ZFP37: variants seen among roughly 807,000 people sequenced by gnomAD.
ZFP37 encodes the protein ZFP37 zinc finger protein.
In ZFP37, 38 loss-of-function variants were observed where a neutral mutation model predicts 52.1. The ratio of observed to expected loss-of-function variants is 0.73; its 90% CI spans 0.56 to 0.96. ZFP37 has a LOEUF of 0.96. Ranked by LOEUF, ZFP37 falls within the 40% of genes least tolerant of loss-of-function variation. ZFP37 has a pLI of 0.00. For synonymous variants in ZFP37, 253 were observed against 259.5 expected, an observed-to-expected ratio of 0.98 and a Z score of 0.24; for missense variants, 695 against 741.4, an observed-to-expected ratio of 0.94 and a Z score of 0.73.
chr9:113,049,922 G>A (rs2118709028), intron 1 of ZFP37, 50 bp from the exon 2 acceptor site: 2 of 1,612,174 alleles, frequency 1.2e-6, no homozygotes, highest in African/African-American at 1.3e-5. Flanking sequence ...TGATACCTGT[G>A]ATAGCATATT....
Position 113,040,860 on chromosome 9 carries a change from G to T in ZFP37, c.*1865C>A, listed in dbSNP as rs1408907204. 1 of 152,106 alleles carries T rather than the reference G, an allele frequency of 6.6e-6. No homozygotes were observed. Among genetic ancestry groups the T allele is most frequent in the African/African-American group, 2.4e-5 (1 of 41,416 alleles). The allele number at this position is 152,106 out of a possible 1,614,324, so 9.4% of individuals were successfully genotyped here. On this transcript the variant is annotated 3_prime_UTR_variant, in exon 4 of 4. Transcript: ENST00000374227. The stretch of plus-strand genomic sequence containing the variant: ...AAATTAATATTGTATTAAAATAAAG[G>T]TATGATGTTTTTGAAAACCATTTCT...
In ZFP37 at chr9:113,044,233, G is replaced by A; in HGVS notation, c.385C>T (p.Gln129Ter). The stretch of plus-strand genomic sequence containing the variant: ...CTGAGGAGTTTGTTTTGAGATTTCT[G>A]GATATTTTCAAGCTGGTCATCATCT... ...QKDDDQLENIQKSQNKLLREV... is the reference protein window; with the variant it reads ...QKDDDQLENI Residue 129 changes from glutamine (Q) to a stop codon, truncating the protein, a stop_gained, in exon 4 of 4, where the codon CAG becomes TAG. Coordinates refer to ENST00000374227, the MANE Select transcript of ZFP37 (RefSeq NM_003408.3). LOFTEE classifies it high-confidence loss of function. 1.3e-6 allele frequency: 2 copies of A among 1,572,104 alleles called. No individual in the cohort carries two copies. Among genetic ancestry groups the A allele is most frequent in the African/African-American group, 1.4e-5 (1 of 72,454 alleles).
rs1316937063 is a variant in ZFP37 at position 113,056,665 on chromosome 9, C to G, written c.24G>C (p.Gln8His). Reference protein sequence around the residue: MSVSSGVQILTKPETVDR... With the variant: MSVSSGVHILTKPETVDR... ...CCACGGTCTCTGGCTTTGTCAGAATCTGGACGCCGCTGGAGACCGACATGG... is the reference window on the plus strand; with the variant it reads ...CCACGGTCTCTGGCTTTGTCAGAATGTGGACGCCGCTGGAGACCGACATGG... Residue 8 changes from glutamine (Q) to histidine (H), a missense_variant, in exon 1 of 4, where the codon CAG (glutamine) becomes CAC (histidine). Gln to His is a conservative substitution (Grantham distance 24). Around this residue, in one of 2 missense-constraint regions of ZFP37, gnomAD observed 369 missense variants for 340.9 expected, o/e 1.08. Coordinates refer to ENST00000374227, the MANE Select transcript of ZFP37 (RefSeq NM_003408.3). The G allele has an allele frequency of 1.2e-6, 2 of 1,613,644 alleles. No individual in the cohort carries two copies. The highest frequency in any genetic ancestry group is 3.3e-5 in the Admixed American group (2 of 60,034).
chr9:113,042,857 C>T lies in ZFP37; in HGVS notation c.1761G>A (p.Gln587=), dbSNP rs767369826. Residue 587 remains glutamine, a synonymous_variant, in exon 4 of 4, where the codon CAG becomes CAA. Coordinates refer to ENST00000374227, the MANE Select transcript of ZFP37 (RefSeq NM_003408.3). ...ECEKAFNAKS[Q]LVIHQRSHTG... ...TGTGGGATCGCTGATGTATAACAAG[C>T]TGTGATTTTGCATTAAAGGCTTTTT... The T allele has an allele frequency of 7.4e-6, 12 of 1,613,690 alleles. No individual in the cohort carries two copies. The highest frequency in any genetic ancestry group is 3.3e-5 in the Admixed American group (2 of 59,988).
At chr9:113,046,149 T>C (rs1054312285) in intron 3 of ZFP37, among the ~76,000 whole-genome samples, 12 of 150,288 alleles carry the variant, frequency 8.0e-5, no homozygotes, top group African/African-American at 2.7e-4. Context: ...TGTCTATATA[T>C]ATAGACAGAT....
Position 113,043,596 on chromosome 9 carries a change from C to A in ZFP37, c.1022G>T (p.Arg341Ile), listed in dbSNP as rs1382399973. ...ATATGGTTTTTCTCCGGTGTGAGTT[C>A]TCTGATGTACAACAAGGTGTGACTT... ...SQKSHLVVHQ[R>I]THTGEKPYEC... Residue 341 changes from arginine (R) to isoleucine (I), a missense_variant, in exon 4 of 4, where the codon AGA (arginine) becomes ATA (isoleucine). By Grantham distance (97) the Arg-to-Ile change is moderately conservative (BLOSUM62 -3). Around this residue, in one of 2 missense-constraint regions of ZFP37, gnomAD observed 326 missense variants for 400.5 expected, o/e 0.81. Coordinates refer to ENST00000374227, the MANE Select transcript of ZFP37 (RefSeq NM_003408.3). 6 of 1,614,026 alleles carry A rather than the reference C, an allele frequency of 3.7e-6. No individual in the cohort carries two copies. The highest frequency in any genetic ancestry group is 5.1e-6 in the Non-Finnish European group (6 of 1,179,954).
At chr9:113,053,860 T>C (rs1334469029) in intron 1 of ZFP37, among the ~76,000 whole-genome samples, 1 of 152,232 alleles carries the variant, frequency 6.6e-6, no homozygotes, top group Non-Finnish European at 1.5e-5. Flanking sequence ...ACTTCACTCC[T>C]GCAAGTACCT....
In ZFP37 at chr9:113,042,159, T is replaced by C. The variant is rs1587908021; in HGVS notation, c.*566A>G. On this transcript the variant is annotated 3_prime_UTR_variant, in exon 4 of 4. Coordinates refer to ENST00000374227, the MANE Select transcript of ZFP37 (RefSeq NM_003408.3). ...TTGAATATCGCTCCCTACCAGCACA[T>C]TTGTATCCTCAGCTGCTTTATTTTC... is the stretch of plus-strand genomic sequence containing the variant. 6.6e-6 allele frequency: 1 copy of C among 152,292 alleles called. No individual in the cohort carries two copies. Among genetic ancestry groups the C allele is most frequent in the Non-Finnish European group, 1.5e-5 (1 of 68,124 alleles). 9.4% of individuals were successfully genotyped at this position (152,292 alleles called of 1,614,324 possible). A position where few individuals can be genotyped will look rare whatever the true frequency, so the allele number is the denominator to read the frequency against.
chr9:113,043,869 T>G lies in ZFP37; in HGVS notation c.749A>C (p.Asp250Ala). Reference sequence around the variant, plus strand: ...GGATGAACTATGACAGCATAATTTGTCATGTTTTTTGCCAGTTTTGTTACA... The same window carrying G: ...GGATGAACTATGACAGCATAATTTGGCATGTTTTTTGCCAGTTTTGTTACA... The part of the protein sequence containing the change: ...DKCNKTGKKH[D>A]KLCCHSSSHI... The change falls in exon 4 of 4, where the codon GAC (aspartate) becomes GCC (alanine). Residue 250 changes from aspartate (D) to alanine (A), a missense_variant. Asp to Ala is a moderately radical substitution (Grantham distance 126, BLOSUM62 -2). Coordinates refer to ENST00000374227, the MANE Select transcript of ZFP37 (RefSeq NM_003408.3). 1 of 1,614,102 alleles carries G rather than the reference T, an allele frequency of 6.2e-7. No homozygotes were observed. Among genetic ancestry groups the G allele is most frequent in the Non-Finnish European group, 8.5e-7 (1 of 1,179,960 alleles).
In ZFP37 at chr9:113,052,474, T is replaced by C. The variant is rs1264591150; in HGVS notation, c.133-2602A>G. ...TATATAATTGTACTCATAGCTATTA[T>C]TTATTGTAGCAAAAGTGTACAAAGT... On this transcript the variant is annotated intron_variant, in intron 1 of 3. Coordinates refer to ENST00000374227, the MANE Select transcript of ZFP37 (RefSeq NM_003408.3). This position sits in a 1 kb window ranked among gnomAD's most constrained non-coding sequence, Gnocchi z 4.1. Among the ~76,000 whole-genome samples the C allele has an allele frequency of 6.6e-6, 1 of 152,184 alleles. No individual in the cohort carries two copies. Among genetic ancestry groups the C allele is most frequent in the Non-Finnish European group, 1.5e-5 (1 of 68,038 alleles).
intron 1 of ZFP37, among the ~76,000 whole-genome samples, chr9:113,056,356 T>G (rs1022446139): frequency 6.6e-6 from 1 of 152,180 alleles, no homozygotes; most frequent in Admixed American, 6.5e-5. Context: ...TCATTGTCTC[T>G]GCAGATCCCT....
Position 113,056,683 on chromosome 9 carries a change from C to T in ZFP37, c.6G>A (p.Ser2=), listed in dbSNP as rs1215998447. The T allele has an allele frequency of 1.2e-6, 2 of 1,612,416 alleles. No individual in the cohort carries two copies. The highest frequency in any genetic ancestry group is 4.5e-5 in the East Asian group (2 of 44,878). ...TCAGAATCTGGACGCCGCTGGAGAC[C>T]GACATGGCGGCTACCCGGAGGGCGG... is the stretch of plus-strand genomic sequence containing the variant. The part of the protein sequence containing the change: M[S]VSSGVQILTK... Residue 2 remains serine, a synonymous_variant, in exon 1 of 4, where the codon TCG becomes TCA. Coordinates refer to ENST00000374227, the MANE Select transcript of ZFP37 (RefSeq NM_003408.3).
rs750901940 is a variant in ZFP37, at chr9:113,044,058, TTC to T, written c.558_559del (p.Asn187PhefsTer5). Reference sequence around the variant, plus strand: ...TCTTGAGTGATCAGGTAAATCTAAATTCTGTTTCAAAATTTTTCCACATGACT... The same window carrying T: ...TCTTGAGTGATCAGGTAAATCTAAATTGTTTCAAAATTTTTCCACATGACT... On this transcript the variant is annotated frameshift_variant, in exon 4 of 4. Coordinates refer to ENST00000374227, the MANE Select transcript of ZFP37 (RefSeq NM_003408.3). LOFTEE classifies it high-confidence loss of function. 6.2e-7 allele frequency: 1 copy of T among 1,610,114 alleles called. No individual in the cohort carries two copies. Among genetic ancestry groups the T allele is most frequent in the Non-Finnish European group, 8.5e-7 (1 of 1,179,086 alleles).
intron 3 of ZFP37, among the ~76,000 whole-genome samples, chr9:113,047,474 G>T (rs1587912475): frequency 6.6e-6 from 1 of 152,238 alleles, no homozygotes; most frequent in East Asian, 1.9e-4. Context: ...AATTAAAGCT[G>T]GGCATGGTGG....
intron 1 of ZFP37, among the ~76,000 whole-genome samples, chr9:113,056,310 C>T: frequency 6.6e-6 from 1 of 152,188 alleles, no homozygotes; most frequent in Non-Finnish European, 1.5e-5. Context: ...TCCTTCCAAA[C>T]TCCGACACTC....
chr9:113,046,247 GATAA>G (rs1828951316), intron 3 of ZFP37, among the ~76,000 whole-genome samples: 4 of 117,070 alleles, frequency 3.4e-5, no homozygotes, highest in Non-Finnish European at 7.4e-5. Flanking sequence ...TATATAGACA[GATAA>G]ATATCTATAT....
Position 113,053,839 on chromosome 9 carries a change from C to T in ZFP37, c.132+2718G>A, listed in dbSNP as rs75353295. 2.6e-3 allele frequency among the ~76,000 whole-genome samples: 389 copies of T among 152,320 alleles called. 2 individuals carry two copies. The highest frequency in any genetic ancestry group is 4.0e-3 in the Non-Finnish European group (271 of 68,028). ...GTGCTCTCAATCCCATCCCCAACTG[C>T]CTTCCCAAAGACTTCACTCCTGCAA... On this transcript the variant is annotated intron_variant, in intron 1 of 3. Coordinates refer to ENST00000374227, the MANE Select transcript of ZFP37 (RefSeq NM_003408.3).
rs1213917388 is a variant in ZFP37 at position 113,043,315 on chromosome 9, A to T, written c.1303T>A (p.Cys435Ser). 6.2e-7 allele frequency: 1 copy of T among 1,614,044 alleles called. No individual in the cohort carries two copies. Among genetic ancestry groups the T allele is most frequent in the Non-Finnish European group, 8.5e-7 (1 of 1,179,966 alleles). The change falls in exon 4 of 4, where the codon TGC becomes AGC. Residue 435 changes from cysteine to serine, a missense_variant. Physicochemically the swap from Cys to Ser is moderately radical, Grantham distance 112. This residue lies in a region of ZFP37 where 326 missense variants were observed against 400.5 expected (regional missense o/e 0.81). Transcript: ENST00000374227. ...RTHTGEIPYE[C>S]NECGKAFKYS... is the part of the protein sequence containing the mutation. ...TTAAAGGCTTTTCCACATTCATTGC[A>T]TTCATATGGTATTTCACCTGTATGT...
At chr9:113,045,644 A>G (rs1390182730) in intron 3 of ZFP37, among the ~76,000 whole-genome samples, 1 of 152,154 alleles carries the variant, frequency 6.6e-6, no homozygotes, top group Non-Finnish European at 1.5e-5. Context: ...GTGGGCCACT[A>G]TGTTTGTATT....
Sources: allele counts gnomAD v4.1 joint callset (sites outside exome capture counted in the v4.1 genomes callset), GRCh38; gene constraint gnomAD v4.1.1; regional missense constraint gnomAD v4.1.1; non-coding constraint Gnocchi (gnomAD v3.1); transcripts MANE v1.5; gene names NCBI Gene and HGNC (gene_info 2026-07-23, HGNC 2026-07-21).